The following WRN variants were observed in gnomAD, a reference collection of about 807,000 sequenced individuals.
WRN encodes the protein WRN RecQ like helicase, also known as bifunctional 3'-5' exonuclease/ATP-dependent helicase WRN.
WRN carries 149 observed loss-of-function variants against 180.7 expected under a neutral mutation model. That is an observed-to-expected ratio of 0.82 (90% CI 0.72 to 0.94). WRN has a LOEUF of 0.94. WRN is among the 40% of genes least tolerant of loss of function. WRN has a pLI of 0.00. For synonymous variants in WRN, 548 were observed against 568.9 expected (o/e 0.96, Z 0.52); for missense variants, 1,661 against 1,700.1 (o/e 0.98, Z 0.40).
At chr8:31,089,252 TG>T (rs1435844401) in intron 13 of WRN, among the ~76,000 whole-genome samples, 1 of 152,096 alleles carries the variant, frequency 6.6e-6, no homozygotes, top group African/African-American at 2.4e-5. Context: ...AATTTAATAC[TG>T]ACTTGTTTTT....
At chr8:31,082,238 A>G (rs1034027008) in intron 9 of WRN, among the ~76,000 whole-genome samples, 8 of 152,204 alleles carry the variant, frequency 5.3e-5, no homozygotes, top group African/African-American at 9.7e-5. Context: ...TAAGATGCCT[A>G]TATTCTCTGA....
intron 20 of WRN, among the ~76,000 whole-genome samples, chr8:31,119,533 C>T (rs1490246324): frequency 6.6e-6 from 1 of 151,820 alleles, no homozygotes; most frequent in East Asian, 1.9e-4. Context: ...ATTTCTAACC[C>T]CCTTTCCTCC....
At chr8:31,051,968 C>A (rs888978935) in intron 1 of WRN, among the ~76,000 whole-genome samples, 2 of 152,146 alleles carry the variant, frequency 1.3e-5, no homozygotes, top group Non-Finnish European at 2.9e-5. Context: ...TTAAATAAAT[C>A]CAGGTTTCAG....
At chr8:31,098,879 T>G (rs992422726) in intron 17 of WRN, among the ~76,000 whole-genome samples, 84 of 152,290 alleles carry the variant, frequency 5.5e-4, no homozygotes, top group African/African-American at 2.0e-3. Context: ...ACTAAAGCTT[T>G]TTAAAAAATG....
intron 24 of WRN, among the ~76,000 whole-genome samples, chr8:31,133,504 G>A (rs112964738): frequency 6.6e-6 from 1 of 151,378 alleles, no homozygotes. Flanking sequence ...CAGCCTGCGC[G>A]ACAGAGCAAG....
At chr8:31,094,366 G>A (rs538031002) in intron 16 of WRN, among the ~76,000 whole-genome samples, 2 of 140,770 alleles carry the variant, frequency 1.4e-5, no homozygotes, top group East Asian at 2.0e-4. Context: ...TTTTTTTTGA[G>A]TCAGGGTCTC....
intron 24 of WRN, among the ~76,000 whole-genome samples, chr8:31,133,656 T>C (rs1385951214): frequency 6.6e-6 from 1 of 152,254 alleles, no homozygotes. Flanking sequence ...AAATTTTGTT[T>C]GTAAATCACA....
At chr8:31,133,020 G>A (rs2130379832) in intron 24 of WRN, among the ~76,000 whole-genome samples, 1 of 152,164 alleles carries the variant, frequency 6.6e-6, no homozygotes, top group South Asian at 2.1e-4. Context: ...TGTGGTTTTT[G>A]CCTTTACTAA....
intron 18 of WRN, among the ~76,000 whole-genome samples, chr8:31,102,627 G>A (rs1364467993): frequency 6.6e-6 from 1 of 152,158 alleles, no homozygotes; most frequent in Non-Finnish European, 1.5e-5. Flanking sequence ...TAAAAATACA[G>A]TATAAAAGAT....
chr8:31,071,240 G>A (rs780425528), intron 7 of WRN, among the ~76,000 whole-genome samples: 1 of 152,030 alleles, frequency 6.6e-6, no homozygotes, highest in Admixed American at 6.6e-5. Context: ...ATGGGCCATG[G>A]TAAGGAGTTT....
rs539055949 is a variant in WRN, at chr8:31,130,824, G to C, written c.2826-1541G>C. Among the ~76,000 whole-genome samples the C allele has an allele frequency of 3.9e-5, 6 of 152,162 alleles. No individual in the cohort carries two copies. The East Asian group carries it at 1.2e-3, about 29-fold the overall frequency. On this transcript the variant is annotated intron_variant, in intron 23 of 34. Transcript: ENST00000298139. ...TGAAAAACATTAAAATTCTCTAATT[G>C]AACAAGGTATGCAAGGATTTTTATA...
At chr8:31,131,156 C>CTTCCTTTTTTTTTTT (rs1802150179) in intron 23 of WRN, among the ~76,000 whole-genome samples, 2 of 19,360 alleles carry the variant, frequency 1.0e-4, no homozygotes, top group African/African-American at 3.3e-4. Context: ...CAAATTGCAA[C>CTTCCTTTTTTTTTTT]TTTCTTTTTT....
intron 16 of WRN, among the ~76,000 whole-genome samples, chr8:31,095,717 C>G (rs1040410848): frequency 6.6e-6 from 1 of 152,164 alleles, no homozygotes; most frequent in Non-Finnish European, 1.5e-5. Context: ...TATTGCTGCA[C>G]TCTCTATTCT....
intron 34 of WRN, among the ~76,000 whole-genome samples, chr8:31,171,994 A>G (rs1004318087): frequency 1.3e-5 from 2 of 152,160 alleles, no homozygotes; most frequent in Non-Finnish European, 2.9e-5. Context: ...CTCATGATGG[A>G]ATGATTTCTC....
chr8:31,086,849 A>T (rs1813550347), intron 11 of WRN, among the ~76,000 whole-genome samples: 1 of 152,206 alleles, frequency 6.6e-6, no homozygotes, highest in Non-Finnish European at 1.5e-5. Context: ...TTTCTCTGAG[A>T]AGTACTGTTC....
intron 18 of WRN, among the ~76,000 whole-genome samples, chr8:31,107,891 A>G (rs754447157): frequency 1.9e-4 from 29 of 152,182 alleles, no homozygotes; most frequent in African/African-American, 6.8e-4. Context: ...GGGTTTTTCT[A>G]TTACTTTCTC....
At chr8:31,056,009 G>A (rs964744624) in intron 1 of WRN, among the ~76,000 whole-genome samples, 5 of 152,074 alleles carry the variant, frequency 3.3e-5, no homozygotes, top group African/African-American at 7.2e-5. Flanking sequence ...ACAAATTTAC[G>A]TTCAAATCTT....
Position 31,167,052 on chromosome 8 carries a change from T to G in WRN, c.4013T>G (p.Leu1338Ter). ...DMSKISLIRMLVPENIDTYLI... is the reference protein window; with the variant it reads ...DMSKISLIRM ...AGTAAAATTAGCCTAATCAGAATGT[T>G]AGTTCCTGAAAACATTGACACGTAC... The change falls in exon 34 of 35, where the codon TTA (leucine) becomes TGA (stop). Residue 1338 changes from leucine (L) to a stop codon, truncating the protein, a stop_gained. Transcript: ENST00000298139. LOFTEE classifies it high-confidence loss of function. 6.2e-7 allele frequency: 1 copy of G among 1,613,220 alleles called. No homozygotes were observed. Among genetic ancestry groups the G allele is most frequent in the Non-Finnish European group, 8.5e-7 (1 of 1,179,398 alleles).
At chr8:31,120,481 A>T (rs776371469) in intron 21 of WRN, 57 bp downstream of exon 21, 98 of 1,531,296 alleles carry the variant, frequency 6.4e-5, no homozygotes, top group Non-Finnish European at 8.0e-5. Context: ...TTCCATATAA[A>T]CCTCAAAAGT....
Sources: allele counts gnomAD v4.1 joint callset (sites outside exome capture counted in the v4.1 genomes callset), GRCh38; gene constraint gnomAD v4.1.1; transcripts MANE v1.5; gene names NCBI Gene and HGNC (gene_info 2026-07-23, HGNC 2026-07-21).